AFG1L: variants seen among roughly 807,000 people sequenced by gnomAD.
AFG1L encodes the protein AFG1 like ATPase.
Under a neutral mutation model 62.2 loss-of-function variants are expected in AFG1L, and 53 were observed. The observed-to-expected ratio is 0.85, with a 90% CI of 0.68 to 1.07. The LOEUF (loss-of-function observed/expected upper bound fraction) is 1.07, where lower values mean the gene tolerates loss of function less well. Ranked by LOEUF, AFG1L falls within the 50% of genes least tolerant of loss-of-function variation. The pLI, the probability that AFG1L is intolerant of heterozygous loss-of-function variation, is 0.00. For missense variants in AFG1L, 555 were observed against 590.5 expected (o/e 0.94, Z 0.62); for synonymous variants, 228 against 210.3 (o/e 1.08, Z -0.73).
At chr6:108,419,033 C>T (rs1477484757) in intron 7 of AFG1L, among the ~76,000 whole-genome samples, 1 of 152,122 alleles carries the variant, frequency 6.6e-6, no homozygotes, top group Non-Finnish European at 1.5e-5. Flanking sequence ...TCTGTTTACT[C>T]CATCACTTAC....
At chr6:108,411,427 C>A (rs150778098) in intron 7 of AFG1L, among the ~76,000 whole-genome samples, 2 of 152,136 alleles carry the variant, frequency 1.3e-5, no homozygotes, top group African/African-American at 4.8e-5. Context: ...TCTCCCAGCA[C>A]GGAGTTTGAG....
At chr6:108,356,910 TA>T (rs1351502088) in intron 5 of AFG1L, 90 bp downstream of exon 5, 1 of 1,149,558 alleles carries the variant, frequency 8.7e-7, no homozygotes, top group Admixed American at 2.4e-5. Flanking sequence ...CATTGGTTTA[TA>T]AGGTGATTTG....
chr6:108,420,742 G>T (rs1042451758), intron 7 of AFG1L, among the ~76,000 whole-genome samples: 1 of 151,592 alleles, frequency 6.6e-6, no homozygotes, highest in African/African-American at 2.4e-5. Flanking sequence ...GATTTTTCGC[G>T]ACATATGTAA....
At chr6:108,346,345 C>T (rs1778863591) in intron 2 of AFG1L, among the ~76,000 whole-genome samples, 1 of 151,988 alleles carries the variant, frequency 6.6e-6, no homozygotes, top group Non-Finnish European at 1.5e-5. Flanking sequence ...TCCCTCCAGC[C>T]CCTGGCAACC....
chr6:108,300,912 TC>T (rs2114817168), intron 1 of AFG1L, among the ~76,000 whole-genome samples: 1 of 152,248 alleles, frequency 6.6e-6, no homozygotes, highest in South Asian at 2.1e-4. Context: ...GACCTTGTGA[TC>T]CGCCCGACTT....
intron 2 of AFG1L, among the ~76,000 whole-genome samples, chr6:108,341,158 C>T (rs562982988): frequency 7.9e-5 from 12 of 152,186 alleles, no homozygotes; most frequent in African/African-American, 2.9e-4. Flanking sequence ...CTATTTTTAG[C>T]TATCTTTTTA....
rs142795076 is a variant in AFG1L at position 108,303,706 on chromosome 6, A to G, written c.139+8488A>G. 4.4e-3 allele frequency among the ~76,000 whole-genome samples: 665 copies of G among 152,332 alleles called. 5 individuals carry two copies. The highest frequency in any genetic ancestry group is 0.015 in the African/African-American group (639 of 41,570). On this transcript the variant is annotated intron_variant, in intron 1 of 12. Transcript: ENST00000368977. Reference sequence around the variant, plus strand: ...TTTAAGCCTGAGCATGTAATTCTTTATAGTCGTTCCTCCATTTCTTCATAA... The same window carrying G: ...TTTAAGCCTGAGCATGTAATTCTTTGTAGTCGTTCCTCCATTTCTTCATAA...
intron 6 of AFG1L, among the ~76,000 whole-genome samples, chr6:108,384,630 A>G (rs1422901142): frequency 1.3e-5 from 2 of 152,212 alleles, no homozygotes; most frequent in Admixed American, 6.5e-5. Flanking sequence ...CTATCCCCCA[A>G]TATGAACTGG....
In AFG1L at chr6:108,476,954, C is replaced by A; in HGVS notation, c.961+19C>A. The A allele has an allele frequency of 6.2e-7, 1 of 1,604,194 alleles. No individual in the cohort carries two copies. Among genetic ancestry groups the A allele is most frequent in the Non-Finnish European group, 8.5e-7 (1 of 1,171,072 alleles). On this transcript the variant is annotated intron_variant, in intron 9 of 12. Transcript: ENST00000368977. The stretch of plus-strand genomic sequence containing the variant: ...AATGATTGTACGTAAGTTAATTTCT[C>A]TTGAAAGAGAATACATTTAGAACAC...
rs568884527 is a variant in AFG1L, at chr6:108,368,246, AT to A, written c.748+1923del. ...ATTTTTGAAGTATGATTCTAATATA[AT>A]TTTTTTTTGGCTATCCCTACTATGA... On this transcript the variant is annotated intron_variant, in intron 6 of 12. Transcript: ENST00000368977. 8.2e-3 allele frequency among the ~76,000 whole-genome samples: 1,234 copies of A among 150,936 alleles called. 11 individuals are homozygous for A. Among genetic ancestry groups the A allele is most frequent in the Non-Finnish European group, 0.014 (938 of 67,680 alleles).
At chr6:108,515,949 AG>A (rs1774866147) in intron 11 of AFG1L, among the ~76,000 whole-genome samples, 1 of 152,370 alleles carries the variant, frequency 6.6e-6, no homozygotes, top group African/African-American at 2.4e-5. Flanking sequence ...AGACTAAACC[AG>A]GAAGAAGTTG....
chr6:108,298,973 A>G (rs376460106), intron 1 of AFG1L, among the ~76,000 whole-genome samples: 6 of 152,162 alleles, frequency 3.9e-5, no homozygotes, highest in African/African-American at 1.4e-4. Context: ...TAGAATTAAC[A>G]TACTTGGCCA....
chr6:108,321,482 T>C (rs1047359096), intron 1 of AFG1L, among the ~76,000 whole-genome samples: 1 of 152,178 alleles, frequency 6.6e-6, no homozygotes, highest in African/African-American at 2.4e-5. Context: ...ACCCACTTGG[T>C]CCTTCTGGCT....
At chr6:108,357,192 C>T (rs1779325955) in intron 5 of AFG1L, among the ~76,000 whole-genome samples, 1 of 2,818 alleles carries the variant, frequency 3.5e-4, no homozygotes, top group Non-Finnish European at 7.6e-3. Context: ...GGTTCAACTT[C>T]CCGCCTCAGC....
chr6:108,384,534 A>C (rs974102634), intron 6 of AFG1L, among the ~76,000 whole-genome samples: 4 of 152,224 alleles, frequency 2.6e-5, no homozygotes, highest in Non-Finnish European at 4.4e-5. Flanking sequence ...TTCACAGTAT[A>C]ACATTCACGA....
At chr6:108,496,686 T>C (rs988419518) in intron 10 of AFG1L, among the ~76,000 whole-genome samples, 1 of 152,234 alleles carries the variant, frequency 6.6e-6, no homozygotes, top group African/African-American at 2.4e-5. Context: ...GACTCTTTTC[T>C]GTCATTATTT....
chr6:108,455,475 T>G (rs1020523402), intron 8 of AFG1L, among the ~76,000 whole-genome samples: 1 of 152,228 alleles, frequency 6.6e-6, no homozygotes, highest in Non-Finnish European at 1.5e-5. Flanking sequence ...CTATTATTAC[T>G]TTCTGTTTTC....
chr6:108,509,094 C>T lies in AFG1L; in HGVS notation c.1063-1118C>T, dbSNP rs553745285. 8.5e-5 allele frequency among the ~76,000 whole-genome samples: 13 copies of T among 152,316 alleles called. No homozygotes were observed. The South Asian group carries it at 2.5e-3, about 29-fold the overall frequency. ...TTGCTGCTCACAGAGTACAGTCATC[C>T]ACAGGCAGCTTAAAATGAGCAGAGG... On this transcript the variant is annotated intron_variant, in intron 10 of 12. Coordinates refer to ENST00000368977, the MANE Select transcript of AFG1L (RefSeq NM_145315.5).
intron 7 of AFG1L, among the ~76,000 whole-genome samples, chr6:108,418,855 A>G (rs930119451): frequency 6.6e-6 from 1 of 152,214 alleles, no homozygotes; most frequent in Non-Finnish European, 1.5e-5. Context: ...GGAAAAGGGA[A>G]CCAGTTGATA....
Sources: allele counts gnomAD v4.1 joint callset (sites outside exome capture counted in the v4.1 genomes callset), GRCh38; gene constraint gnomAD v4.1.1; transcripts MANE v1.5; gene names NCBI Gene and HGNC (gene_info 2026-07-23, HGNC 2026-07-21).